The following TENM3 variants were observed in gnomAD, a reference collection of about 807,000 sequenced individuals.
The protein encoded by TENM3 is teneurin-3.
A neutral mutation model predicts 255.1 loss-of-function variants in TENM3; 63 were observed. That is an observed-to-expected ratio of 0.25 (90% CI 0.20 to 0.30). TENM3 has a LOEUF of 0.30. Ranked by LOEUF, TENM3 falls within the 10% of genes least tolerant of loss-of-function variation. The probability of loss-of-function intolerance (pLI) is 1.00; values close to 1 mark genes in which losing one functional copy is unlikely to be tolerated. For synonymous variants in TENM3, 1,306 were observed against 1,322.3 expected (o/e 0.99, Z 0.27); for missense variants, 2,929 against 3,461.1 (o/e 0.85, Z 3.86).
At chr4:182,332,517 AC>A (rs1208987105) in intron 2 of TENM3, among the ~76,000 whole-genome samples, 1 of 151,874 alleles carries the variant, frequency 6.6e-6, no homozygotes, top group African/African-American at 2.4e-5. Context: ...ACATGGAGAA[AC>A]CCCCATCTCT....
rs138796753 is a variant in TENM3, at chr4:182,273,266, C to T, written c.-76+29790C>T. On this transcript the variant is annotated intron_variant, in intron 1 of 27. Transcript: ENST00000511685. ...AAGCACAGCTCTGAAGAGGTTAAGA[C>T]GTTTGCCTGCGATTTCACTACTTAT... Among the ~76,000 whole-genome samples the T allele has an allele frequency of 2.0e-3, 308 of 152,306 alleles. 2 individuals carry two copies. Among genetic ancestry groups the T allele is most frequent in the African/African-American group, 7.1e-3 (296 of 41,574 alleles).
At chr4:181,881,962 C>T in the TENM3 span, among the ~76,000 whole-genome samples, 1 of 152,094 alleles carries the variant, frequency 6.6e-6, no homozygotes, top group Non-Finnish European at 1.5e-5. Flanking sequence ...ATGCAACTTC[C>T]GTGATTTTGT....
At chr4:181,449,812 A>G in the TENM3 span, among the ~76,000 whole-genome samples, 1 of 152,180 alleles carries the variant, frequency 6.6e-6, no homozygotes, top group African/African-American at 2.4e-5. Flanking sequence ...ATAGATAAAT[A>G]AATAACAACA....
chr4:181,761,371 A>G, the TENM3 span, among the ~76,000 whole-genome samples: 1 of 152,154 alleles, frequency 6.6e-6, no homozygotes, highest in Admixed American at 6.5e-5. Flanking sequence ...ACAACTGTGC[A>G]GCTACTTAGG....
Position 182,169,540 on chromosome 4 carries a change from A to C in TENM3, c.-76+24786A>C, listed in dbSNP as rs572567203. ...AATTTATCTTATATTTATTATCAGA[A>C]AGTGCTGTGAATTTAAAATCTTTCT... On this transcript the variant is annotated intron_variant, in intron 1 of 2. Coordinates refer to the TENM3 transcript ENST00000512480. 5.3e-5 allele frequency among the ~76,000 whole-genome samples: 8 copies of C among 152,294 alleles called. No homozygotes were observed. The South Asian group carries it at 1.7e-3, about 32-fold the overall frequency.
chr4:181,822,953 C>A, the TENM3 span, among the ~76,000 whole-genome samples: 57,791 of 151,754 alleles, frequency 0.38, 11,114 homozygotes, highest in African/African-American at 0.41. Context: ...AGTGGACATA[C>A]AATCGTATGT....
the TENM3 span, among the ~76,000 whole-genome samples, chr4:181,700,209 A>AT: frequency 1.4e-5 from 2 of 139,210 alleles, no homozygotes; most frequent in South Asian, 4.7e-4. Context: ...TCTAAGTTTG[A>AT]TTTTTATTTT....
chr4:182,375,480 G>T (rs1279111732), intron 3 of TENM3, among the ~76,000 whole-genome samples: 3 of 152,154 alleles, frequency 2.0e-5, no homozygotes, highest in Non-Finnish European at 4.4e-5. Flanking sequence ...ACAGGTATTT[G>T]TATTCTCTGA....
At chr4:182,351,625 T>G (rs1009674917) in intron 3 of TENM3, among the ~76,000 whole-genome samples, 1 of 152,310 alleles carries the variant, frequency 6.6e-6, no homozygotes, top group South Asian at 2.1e-4. Flanking sequence ...AGATGACCTT[T>G]GATGTAAGGC....
chr4:181,869,478 T>C, the TENM3 span, among the ~76,000 whole-genome samples: 1 of 152,114 alleles, frequency 6.6e-6, no homozygotes, highest in African/African-American at 2.4e-5. Context: ...GTTGCAAAGT[T>C]AAAATTGGTA....
chr4:182,505,356 G>A (rs1034195180), intron 3 of TENM3, among the ~76,000 whole-genome samples: 1 of 152,030 alleles, frequency 6.6e-6, no homozygotes, highest in Non-Finnish European at 1.5e-5. Context: ...GCATTCCAAA[G>A]TGCTTACTTT....
the TENM3 span, among the ~76,000 whole-genome samples, chr4:181,797,668 G>A: frequency 6.6e-6 from 1 of 152,184 alleles, no homozygotes; most frequent in Non-Finnish European, 1.5e-5. Context: ...TGAAGTGTCT[G>A]AATATGTGTT....
chr4:182,344,400 CGAT>C (rs1223459283), intron 2 of TENM3, among the ~76,000 whole-genome samples: 1 of 151,958 alleles, frequency 6.6e-6, no homozygotes, highest in Non-Finnish European at 1.5e-5. Flanking sequence ...AGAGGGAAGT[CGAT>C]GGAGGGAAGT....
At chr4:181,994,093 C>T in the TENM3 span, among the ~76,000 whole-genome samples, 2 of 152,084 alleles carry the variant, frequency 1.3e-5, no homozygotes, top group Non-Finnish European at 2.9e-5. Context: ...ATTTGTGAAA[C>T]TGTGAAAAAC....
At chr4:182,401,701 T>C (rs928428687) in intron 3 of TENM3, among the ~76,000 whole-genome samples, 5 of 152,240 alleles carry the variant, frequency 3.3e-5, no homozygotes, top group Admixed American at 2.6e-4. Context: ...CTTGTATTTA[T>C]CTGTTTTAAA....
chr4:182,120,014 TTAGA>T, the TENM3 span, among the ~76,000 whole-genome samples: 1 of 152,082 alleles, frequency 6.6e-6, no homozygotes, highest in African/African-American at 2.4e-5. Flanking sequence ...CCCATAGTTT[TTAGA>T]TAAACATAAT....
At chr4:182,777,856 TA>T (rs2152804553) in intron 24 of TENM3, among the ~76,000 whole-genome samples, 1 of 64,290 alleles carries the variant, frequency 1.6e-5, no homozygotes, top group South Asian at 5.3e-4. Flanking sequence ...TATATGCTGT[TA>T]TATATATATA....
intron 2 of TENM3, among the ~76,000 whole-genome samples, chr4:182,333,033 C>A (rs893518311): frequency 6.6e-6 from 1 of 152,116 alleles, no homozygotes; most frequent in African/African-American, 2.4e-5. Context: ...CTTGTCAACA[C>A]CAATTATTTC....
At chr4:182,390,690 G>T (rs1448523476) in intron 3 of TENM3, among the ~76,000 whole-genome samples, 1 of 152,166 alleles carries the variant, frequency 6.6e-6, no homozygotes, top group Non-Finnish European at 1.5e-5. Context: ...TCAGCCCGAG[G>T]CACACTGCCG....
Sources: allele counts gnomAD v4.1 joint callset (sites outside exome capture counted in the v4.1 genomes callset), GRCh38; gene constraint gnomAD v4.1.1; transcripts MANE v1.5; gene names NCBI Gene and HGNC (gene_info 2026-07-23, HGNC 2026-07-21).